Variants in FGF12 observed in about 807,000 individuals in gnomAD.
FGF12 encodes fibroblast growth factor 12B.
FGF12 carries 14 observed loss-of-function variants against 23.6 expected under a neutral mutation model. The ratio of observed to expected loss-of-function variants is 0.59; its 90% CI spans 0.39 to 0.93. FGF12 has a LOEUF of 0.93. FGF12 is among the 40% of genes least tolerant of loss of function. FGF12 has a pLI of 0.00. For missense variants in FGF12, 175 were observed against 217.8 expected (o/e 0.80, Z 1.24); for synonymous variants, 62 against 77.3 (o/e 0.80, Z 1.04).
intron 2 of FGF12, among the ~76,000 whole-genome samples, chr3:192,564,096 C>T (rs1487466085): frequency 6.6e-6 from 1 of 152,034 alleles, no homozygotes; most frequent in Non-Finnish European, 1.5e-5. Flanking sequence ...CACAGTCTCC[C>T]TCTGTAGCCC....
intron 3 of FGF12, among the ~76,000 whole-genome samples, chr3:192,339,399 T>C (rs1717583026): frequency 6.6e-6 from 1 of 152,130 alleles, no homozygotes; most frequent in Admixed American, 6.5e-5. Flanking sequence ...TGCATCCTCT[T>C]AAGCCATTTT....
chr3:192,299,253 C>T (rs1341868438), intron 4 of FGF12, among the ~76,000 whole-genome samples: 2 of 152,168 alleles, frequency 1.3e-5, no homozygotes, highest in Non-Finnish European at 2.9e-5. Context: ...TTCCTGCCAC[C>T]ACCAATTTGG....
At chr3:192,171,135 TCAC>T (rs1715537010) in intron 4 of FGF12, among the ~76,000 whole-genome samples, 1 of 152,170 alleles carries the variant, frequency 6.6e-6, no homozygotes, top group South Asian at 2.1e-4. Flanking sequence ...GTCAGGAAAA[TCAC>T]CACTTTTCCT....
intron 4 of FGF12, among the ~76,000 whole-genome samples, chr3:192,319,172 C>A (rs542616027): frequency 6.6e-6 from 1 of 152,092 alleles, no homozygotes; most frequent in Non-Finnish European, 1.5e-5. Context: ...CAATAAGAAA[C>A]CATCTGAGGG....
At chr3:192,358,631 T>C (rs1210024270) in intron 3 of FGF12, among the ~76,000 whole-genome samples, 1 of 152,148 alleles carries the variant, frequency 6.6e-6, no homozygotes, top group East Asian at 1.9e-4. Flanking sequence ...TCAATTATTT[T>C]CCTAGAAAGA....
At chr3:192,335,840 T>C (rs1345618581) in intron 3 of FGF12, among the ~76,000 whole-genome samples, 3 of 152,138 alleles carry the variant, frequency 2.0e-5, no homozygotes, top group African/African-American at 7.2e-5. Context: ...GGAGAAAACC[T>C]ATCTGTAGTC....
rs1719216432 is a variant in FGF12 at position 192,726,404 on chromosome 3, G to A, written c.13+777C>T. ...GAAGGAGAAACAGACCTGCATAGAT[G>A]GGGTTAAATCCAAAAGATATCTAAT... On this transcript the variant is annotated intron_variant, in intron 2 of 5. Transcript: ENST00000445105. Among the ~76,000 whole-genome samples the A allele has an allele frequency of 3.9e-5, 6 of 152,164 alleles. No homozygotes were observed. In the South Asian group the frequency reaches 1.2e-3, roughly 32 times the overall value.
chr3:192,224,122 C>T (rs1217682470), intron 4 of FGF12, among the ~76,000 whole-genome samples: 1 of 151,966 alleles, frequency 6.6e-6, no homozygotes, highest in Non-Finnish European at 1.5e-5. Context: ...TTCTGAAATC[C>T]AATTACAAAA....
intron 2 of FGF12, among the ~76,000 whole-genome samples, chr3:192,683,786 C>T (rs910743059): frequency 1.3e-5 from 2 of 152,148 alleles, no homozygotes; most frequent in African/African-American, 4.8e-5. Flanking sequence ...TTCTTTCTTT[C>T]CTTCCTAAAG....
At chr3:192,648,650 A>G (rs1394138109) in intron 2 of FGF12, among the ~76,000 whole-genome samples, 3 of 152,162 alleles carry the variant, frequency 2.0e-5, no homozygotes, top group Non-Finnish European at 4.4e-5. Context: ...CATTGCTTCA[A>G]TAGAGATTAT....
At chr3:192,413,152 T>G (rs758115112) in intron 2 of FGF12, among the ~76,000 whole-genome samples, 10 of 152,220 alleles carry the variant, frequency 6.6e-5, no homozygotes, top group Non-Finnish European at 1.3e-4. Context: ...CAGAGGCTTT[T>G]TGGTCTTTTG....
intron 2 of FGF12, among the ~76,000 whole-genome samples, chr3:192,426,527 T>C (rs1721691805): frequency 6.6e-6 from 1 of 152,188 alleles, no homozygotes; most frequent in African/African-American, 2.4e-5. Flanking sequence ...TGGAAATCTG[T>C]GTAGCTCTTC....
intron 2 of FGF12, among the ~76,000 whole-genome samples, chr3:192,413,551 C>A (rs577210523): frequency 9.9e-5 from 15 of 152,282 alleles, no homozygotes; most frequent in African/African-American, 3.6e-4. Flanking sequence ...TAAGTCCCTG[C>A]CATAAAATAC....
chr3:192,657,403 T>C (rs946081715), intron 2 of FGF12, among the ~76,000 whole-genome samples: 13 of 141,294 alleles, frequency 9.2e-5, no homozygotes, highest in African/African-American at 3.1e-4. Flanking sequence ...TGCCTCTTTT[T>C]AACTAGAGAG....
chr3:192,687,931 G>A (rs1048613552), intron 2 of FGF12, among the ~76,000 whole-genome samples: 5 of 151,830 alleles, frequency 3.3e-5, no homozygotes, highest in Admixed American at 1.3e-4. Context: ...CCCTTGCCAC[G>A]ATGCACAAGC....
chr3:192,641,859 C>T (rs1715820273), intron 2 of FGF12, among the ~76,000 whole-genome samples: 1 of 152,218 alleles, frequency 6.6e-6, no homozygotes, highest in Admixed American at 6.5e-5. Context: ...CTTCATGCTA[C>T]AATGACAGTG....
chr3:192,638,140 A>G (rs1715652984), intron 2 of FGF12, among the ~76,000 whole-genome samples: 1 of 152,166 alleles, frequency 6.6e-6, no homozygotes, highest in Non-Finnish European at 1.5e-5. Flanking sequence ...ATATATGTAC[A>G]TATATAAATA....
At chr3:192,322,398 C>G (rs1716592568) in intron 4 of FGF12, among the ~76,000 whole-genome samples, 1 of 151,928 alleles carries the variant, frequency 6.6e-6, no homozygotes, top group Non-Finnish European at 1.5e-5. Context: ...CTACCCAAAG[C>G]AATCTACAGA....
intron 2 of FGF12, among the ~76,000 whole-genome samples, chr3:192,577,215 TAA>T (rs1307550138): frequency 6.6e-6 from 1 of 152,090 alleles, no homozygotes; most frequent in Non-Finnish European, 1.5e-5. Context: ...AAAAAATAAA[TAA>T]ATAAATAATA....
Sources: gnomAD v4.1 joint callset for allele counts (sites outside exome capture counted in the v4.1 genomes callset) on GRCh38, gnomAD v4.1.1 for gene constraint, MANE v1.5 for transcripts, NCBI Gene and HGNC (gene_info 2026-07-23, HGNC 2026-07-21) for gene names.